The following SPIDR variants were observed in gnomAD, a reference collection of about 807,000 sequenced individuals.
The protein encoded by SPIDR is scaffold protein involved in DNA repair.
SPIDR carries 93 observed loss-of-function variants against 104.6 expected under a neutral mutation model. The observed-to-expected ratio is 0.89, with a 90% CI of 0.75 to 1.06. SPIDR has a LOEUF of 1.06. Ranked by LOEUF, SPIDR falls within the 50% of genes least tolerant of loss-of-function variation. The probability of loss-of-function intolerance (pLI) is 0.00; values close to 1 mark genes in which losing one functional copy is unlikely to be tolerated. For synonymous variants in SPIDR, 431 were observed against 416.9 expected, an observed-to-expected ratio of 1.03 and a Z score of -0.41; for missense variants, 1,154 against 1,111.2, an observed-to-expected ratio of 1.04 and a Z score of -0.55.
At chr8:47,680,985 A>G (rs1589134878) in intron 11 of SPIDR, among the ~76,000 whole-genome samples, 1 of 152,228 alleles carries the variant, frequency 6.6e-6, no homozygotes, top group East Asian at 1.9e-4. Context: ...AATCACTTGA[A>G]CCGGGAGGCG....
chr8:47,730,269 C>T (rs1056937375), intron 19 of SPIDR, among the ~76,000 whole-genome samples: 5 of 152,320 alleles, frequency 3.3e-5, no homozygotes, highest in East Asian at 1.9e-4. Flanking sequence ...CAAAGAGTTT[C>T]TGCTGTGTGA....
chr8:47,615,017 T>C (rs747691339), intron 10 of SPIDR, among the ~76,000 whole-genome samples: 12 of 152,298 alleles, frequency 7.9e-5, no homozygotes, highest in Non-Finnish European at 1.6e-4. Flanking sequence ...CCTCCCATCC[T>C]GTAGGTTGTC....
chr8:47,285,641 A>T (rs901728871), intron 3 of SPIDR, among the ~76,000 whole-genome samples: 2 of 152,096 alleles, frequency 1.3e-5, no homozygotes, highest in South Asian at 4.1e-4. Flanking sequence ...AGGTCTCTTC[A>T]CATTGTCTTC....
chr8:47,496,392 T>G (rs2079441842), intron 8 of SPIDR, among the ~76,000 whole-genome samples: 1 of 152,222 alleles, frequency 6.6e-6, no homozygotes, highest in African/African-American at 2.4e-5. Flanking sequence ...AGTTCTTGAG[T>G]GTTTTCATCA....
intron 5 of SPIDR, among the ~76,000 whole-genome samples, chr8:47,321,400 C>A (rs1264101156): frequency 6.6e-6 from 1 of 152,068 alleles, no homozygotes; most frequent in Non-Finnish European, 1.5e-5. Context: ...ATTTGAAGGA[C>A]TTCTTCAAGG....
intron 8 of SPIDR, among the ~76,000 whole-genome samples, chr8:47,451,724 C>T (rs1369227866): frequency 6.6e-5 from 10 of 151,914 alleles, no homozygotes; most frequent in East Asian, 1.9e-4. Flanking sequence ...GAACAGAGCC[C>T]GAAGCACCTG....
chr8:47,302,569 T>C (rs1333104771), intron 5 of SPIDR, among the ~76,000 whole-genome samples: 1 of 152,164 alleles, frequency 6.6e-6, no homozygotes, highest in Non-Finnish European at 1.5e-5. Flanking sequence ...TCCCCATCTT[T>C]GTAGTTTTAT....
intron 1 of SPIDR, among the ~76,000 whole-genome samples, chr8:47,277,272 C>G (rs2036627861): frequency 6.6e-6 from 1 of 151,446 alleles, no homozygotes; most frequent in South Asian, 2.1e-4. Flanking sequence ...ATTGCTAGAT[C>G]TTGGTGGTTT....
At chr8:47,545,725 G>A (rs1309524658) in intron 8 of SPIDR, among the ~76,000 whole-genome samples, 1 of 152,076 alleles carries the variant, frequency 6.6e-6, no homozygotes, top group Non-Finnish European at 1.5e-5. Flanking sequence ...TTAGAGGAAA[G>A]TTTTCAGTCT....
At chr8:47,330,023 C>T (rs2048380318) in intron 5 of SPIDR, among the ~76,000 whole-genome samples, 1 of 152,214 alleles carries the variant, frequency 6.6e-6, no homozygotes, top group Non-Finnish European at 1.5e-5. Context: ...CTTTTACTGA[C>T]ACCCAGATTT....
intron 7 of SPIDR, among the ~76,000 whole-genome samples, chr8:47,411,453 G>A (rs1303116392): frequency 6.6e-6 from 1 of 152,194 alleles, no homozygotes; most frequent in Admixed American, 6.5e-5. Flanking sequence ...CTGCATAAAT[G>A]TCTTCTTGTG....
At chr8:47,336,469 AT>A (rs1316534541) in intron 5 of SPIDR, among the ~76,000 whole-genome samples, 1 of 152,186 alleles carries the variant, frequency 6.6e-6, no homozygotes, top group East Asian at 1.9e-4. Context: ...ACCAACTAAA[AT>A]TAGGGGTTTA....
chr8:47,442,285 A>G (rs1191850661), intron 8 of SPIDR, among the ~76,000 whole-genome samples: 1 of 152,234 alleles, frequency 6.6e-6, no homozygotes, highest in Non-Finnish European at 1.5e-5. Context: ...AATTTGGAGT[A>G]TAATCTTCCA....
intron 10 of SPIDR, among the ~76,000 whole-genome samples, chr8:47,625,125 A>G: frequency 6.6e-6 from 1 of 152,230 alleles, no homozygotes; most frequent in Non-Finnish European, 1.5e-5. Flanking sequence ...AAACAGAACC[A>G]AAGACAAAAA....
At chr8:47,320,262 A>G (rs549597536) in intron 5 of SPIDR, among the ~76,000 whole-genome samples, 41 of 152,154 alleles carry the variant, frequency 2.7e-4, no homozygotes, top group African/African-American at 9.6e-4. Context: ...ATGATAAAGG[A>G]GATATCACCA....
intron 7 of SPIDR, among the ~76,000 whole-genome samples, chr8:47,420,562 T>G (rs1411263159): frequency 6.6e-6 from 1 of 152,220 alleles, no homozygotes; most frequent in Non-Finnish European, 1.5e-5. Flanking sequence ...TCTTGACTCT[T>G]TATCCAATTT....
At chr8:47,439,063 T>A (rs893887041) in intron 7 of SPIDR, among the ~76,000 whole-genome samples, 2 of 152,236 alleles carry the variant, frequency 1.3e-5, no homozygotes, top group East Asian at 1.9e-4. Flanking sequence ...TGTATTTTTT[T>A]ATTTTTTTTA....
At chr8:47,713,295 T>C in intron 15 of SPIDR, 194 bp from the exon 16 acceptor site, 2 of 731,430 alleles carry the variant, frequency 2.7e-6, no homozygotes, top group Non-Finnish European at 4.4e-6. Context: ...GACTTGAATC[T>C]CACATTTGAG....
intron 8 of SPIDR, among the ~76,000 whole-genome samples, chr8:47,568,723 A>G (rs1455243863): frequency 6.6e-6 from 1 of 152,208 alleles, no homozygotes; most frequent in African/African-American, 2.4e-5. Context: ...ATTTAAAGAA[A>G]TAATGGAGCA....
Sources: allele counts gnomAD v4.1 joint callset (sites outside exome capture counted in the v4.1 genomes callset), GRCh38; gene constraint gnomAD v4.1.1; transcripts MANE v1.5; gene names NCBI Gene and HGNC (gene_info 2026-07-23, HGNC 2026-07-21).